The following FAR2 variants were observed in gnomAD, a reference collection of about 807,000 sequenced individuals.
FAR2 encodes the protein fatty acyl-CoA reductase 2.
In FAR2, 19 loss-of-function variants were observed where a neutral mutation model predicts 56.0. That is an observed-to-expected ratio of 0.34 (90% CI 0.24 to 0.50). The LOEUF is 0.50. Ranked by LOEUF, FAR2 falls within the 20% of genes least tolerant of loss-of-function variation. The pLI is 0.98. For synonymous variants in FAR2, 219 were observed against 218.8 expected (o/e 1.00, Z -0.01); for missense variants, 508 against 642.2 (o/e 0.79, Z 2.26).
intron 1 of FAR2, among the ~76,000 whole-genome samples, chr12:29,172,615 C>G (rs1271145826): frequency 3.3e-5 from 5 of 152,128 alleles, no homozygotes; most frequent in Non-Finnish European, 5.9e-5. Flanking sequence ...AGATTTTGTT[C>G]AGGACCCAGG....
intron 1 of FAR2, among the ~76,000 whole-genome samples, chr12:29,201,595 A>G (rs1947413131): frequency 6.6e-6 from 1 of 152,190 alleles, no homozygotes; most frequent in African/African-American, 2.4e-5. Flanking sequence ...ATTGTGTATT[A>G]CAGTGAAACT....
At chr12:29,149,687 G>T (rs1949665691) in intron 1 of FAR2, among the ~76,000 whole-genome samples, 1 of 152,236 alleles carries the variant, frequency 6.6e-6, no homozygotes, top group Admixed American at 6.5e-5. Context: ...GCGCGCGGGG[G>T]TTGCAAAGGG....
At chr12:29,280,776 A>G (rs1272371794) in intron 2 of FAR2, 1 of 152,234 alleles carries the variant, frequency 6.6e-6, no homozygotes, top group Non-Finnish European at 1.5e-5. Flanking sequence ...GTGGGGTAAA[A>G]GAGGCACTGG....
At chr12:29,324,292 G>A (rs143125522) in intron 10 of FAR2, among the ~76,000 whole-genome samples, 3,691 of 152,252 alleles carry the variant, frequency 0.024, 80 homozygotes, top group South Asian at 0.071. Context: ...TGAAAGTGAC[G>A]GGGAGAATGG....
At chr12:29,166,443 T>G (rs1949829182) in intron 1 of FAR2, among the ~76,000 whole-genome samples, 1 of 152,248 alleles carries the variant, frequency 6.6e-6, no homozygotes, top group African/African-American at 2.4e-5. Flanking sequence ...TGCAGATCTC[T>G]GCTTTCTGAC....
chr12:29,292,583 C>G (rs995478441), intron 2 of FAR2, among the ~76,000 whole-genome samples: 6 of 151,878 alleles, frequency 4.0e-5, no homozygotes, highest in Non-Finnish European at 8.8e-5. Context: ...GAGATGTACC[C>G]CAGGGTGTTT....
chr12:29,253,280 G>GATATATATCTAT (rs1555114539), intron 1 of FAR2, among the ~76,000 whole-genome samples: 1 of 80,580 alleles, frequency 1.2e-5, no homozygotes, highest in Non-Finnish European at 2.5e-5. Context: ...TCTATATATC[G>GATATATATCTAT]ATATCTATAT....
intron 1 of FAR2, among the ~76,000 whole-genome samples, chr12:29,248,599 G>C (rs904970563): frequency 1.3e-5 from 2 of 152,212 alleles, no homozygotes; most frequent in South Asian, 4.2e-4. Flanking sequence ...ATGAAGTTTC[G>C]GGCACCATTG....
intron 1 of FAR2, among the ~76,000 whole-genome samples, chr12:29,194,996 C>T (rs1267248058): frequency 6.6e-6 from 1 of 152,174 alleles, no homozygotes; most frequent in East Asian, 1.9e-4. Context: ...TAAGTGGCAT[C>T]TCTGTCTCAC....
chr12:29,322,697 G>A (rs527606269), intron 10 of FAR2, among the ~76,000 whole-genome samples: 1 of 152,224 alleles, frequency 6.6e-6, no homozygotes, highest in South Asian at 2.1e-4. Context: ...ACTCCATATT[G>A]ATTGACATTT....
intron 9 of FAR2, among the ~76,000 whole-genome samples, chr12:29,318,763 G>A (rs766831065): frequency 9.2e-5 from 14 of 152,108 alleles, no homozygotes; most frequent in South Asian, 2.1e-4. Context: ...CATTCTGCCC[G>A]GTGTTGTCTT....
chr12:29,270,626 C>A lies in FAR2; in HGVS notation c.177C>A (p.Ile59=), dbSNP rs1482400219. Residue 59 remains isoleucine, a synonymous_variant, in exon 2 of 12, where the codon ATC becomes ATA. Transcript: ENST00000536681. ...GQTLQQRVFQ[I]LDSKLFEKVK... ...CACTGCAGCAGAGGGTTTTCCAGAT[C>A]CTAGACAGTAAGGTATGCCTTATAG... The A allele has an allele frequency of 3.7e-6, 6 of 1,611,910 alleles. No homozygotes were observed. Among genetic ancestry groups the A allele is most frequent in the Non-Finnish European group, 3.4e-6 (4 of 1,178,766 alleles).
At position 29,270,275 on chromosome 12, in the gene FAR2, A is replaced by G. The variant is rs967359483; in HGVS notation, c.-38-137A>G. On this transcript the variant is annotated intron_variant, in intron 1 of 11. Coordinates refer to ENST00000536681, the MANE Select transcript of FAR2 (RefSeq NM_001271783.2). The stretch of plus-strand genomic sequence containing the variant: ...TGATTGGAATGAGTCGTATTGCTTA[A>G]AAGCCACGATGCTCTCACTGTCTGA... 7.3e-5 allele frequency: 41 copies of G among 561,892 alleles called. No individual in the cohort carries two copies. In the South Asian group the frequency reaches 1.3e-3, roughly 18 times the overall value. 34.8% of individuals were successfully genotyped at this position (561,892 alleles called of 1,614,324 possible). A position where few individuals can be genotyped will look rare whatever the true frequency, so the allele number is the denominator to read the frequency against.
Position 29,332,631 on chromosome 12 carries a change from G to T in FAR2, c.1289G>T (p.Trp430Leu), listed in dbSNP as rs1174299939. The T allele has an allele frequency of 1.9e-6, 3 of 1,613,686 alleles. No homozygotes were observed. The highest frequency in any genetic ancestry group is 2.5e-6 in the Non-Finnish European group (3 of 1,179,738). ...VFNFDVRQLNWLEYIENYVLG... is the reference protein window; with the variant it reads ...VFNFDVRQLNLLEYIENYVLG... The stretch of plus-strand genomic sequence containing the variant: ...AACTTTGACGTGCGCCAGTTGAACT[G>T]GTTGGAATACATTGAAAATTATGTT... Residue 430 changes from tryptophan (W) to leucine (L), a missense_variant, in exon 11 of 12, where the codon TGG becomes TTG. Coordinates refer to ENST00000536681, the MANE Select transcript of FAR2 (RefSeq NM_001271783.2).
intron 1 of FAR2, among the ~76,000 whole-genome samples, chr12:29,253,616 G>A (rs1266108140): frequency 6.6e-6 from 1 of 151,968 alleles, no homozygotes; most frequent in Non-Finnish European, 1.5e-5. Context: ...TTCTCATTGG[G>A]TTTTAATAGA....
chr12:29,241,037 C>T (rs1166810928), intron 1 of FAR2, among the ~76,000 whole-genome samples: 2 of 152,140 alleles, frequency 1.3e-5, no homozygotes, highest in African/African-American at 4.8e-5. Flanking sequence ...AACTTCTGAC[C>T]TCAAGTGATC....
At chr12:29,206,849 G>C (rs143624097) in intron 1 of FAR2, among the ~76,000 whole-genome samples, 37 of 152,268 alleles carry the variant, frequency 2.4e-4, no homozygotes, top group African/African-American at 8.9e-4. Flanking sequence ...GATTTGGTGT[G>C]AGCATCGGAT....
chr12:29,300,387 T>C (rs1409049338), intron 4 of FAR2, among the ~76,000 whole-genome samples: 3 of 152,206 alleles, frequency 2.0e-5, no homozygotes, highest in African/African-American at 4.8e-5. Context: ...ACGACTCCTA[T>C]ACCAGATGGA....
intron 2 of FAR2, among the ~76,000 whole-genome samples, chr12:29,279,700 C>G (rs1948756493): frequency 1.3e-5 from 2 of 152,070 alleles, no homozygotes; most frequent in African/African-American, 4.8e-5. Flanking sequence ...TATACCTGTA[C>G]TGGGAGGTAG....
Sources: allele counts gnomAD v4.1 joint callset (sites outside exome capture counted in the v4.1 genomes callset), GRCh38; gene constraint gnomAD v4.1.1; transcripts MANE v1.5; gene names NCBI Gene and HGNC (gene_info 2026-07-23, HGNC 2026-07-21).